The following ATXN10 variants were observed in gnomAD, a reference collection of about 807,000 sequenced individuals.
ATXN10 encodes ataxin 10, also known as ataxin-10.
In ATXN10, 28 loss-of-function variants were observed where a neutral mutation model predicts 52.9. The observed-to-expected ratio is 0.53, with a 90% CI of 0.39 to 0.73. The LOEUF is 0.73. Among genes scored for constraint, ATXN10 ranks in the 30% least tolerant of loss-of-function variants. ATXN10 has a pLI of 0.00. For missense variants in ATXN10, 565 were observed against 577.0 expected (o/e 0.98, Z 0.21); for synonymous variants, 226 against 221.5 (o/e 1.02, Z -0.18).
At position 45,681,379 on chromosome 22, in the gene ATXN10, C is replaced by T. The variant is rs1452487553; in HGVS notation, c.117-8333C>T. Among the ~76,000 whole-genome samples the T allele has an allele frequency of 6.6e-6, 1 of 152,130 alleles. No individual in the cohort carries two copies. The highest frequency in any genetic ancestry group is 6.5e-5 in the Admixed American group (1 of 15,270). ...CGAGTCCCAATCCCTGTTTTATCTT[C>T]TCTTTAGGGCCCTTGCTTCATCAAG... On this transcript the variant is annotated intron_variant, in intron 1 of 11. Transcript: ENST00000252934. This position sits in a 1 kb window ranked among gnomAD's most constrained non-coding sequence, Gnocchi z 4.2.
rs572952432 is a variant in ATXN10 at position 45,805,757 on chromosome 22, G to A, written c.1174-1202G>A. On this transcript the variant is annotated intron_variant, in intron 9 of 11. Coordinates refer to ENST00000252934, the MANE Select transcript of ATXN10 (RefSeq NM_013236.4). The surrounding 1 kb of genome is among the most constrained non-coding windows in gnomAD (Gnocchi z 4.4). ...AGTTTCTTTTAGGGGTGAGGAAAAT[G>A]TTGGAAAATTGGATCATGCTAATGG... 6.6e-6 allele frequency among the ~76,000 whole-genome samples: 1 copy of A among 152,250 alleles called. No homozygotes were observed. The highest frequency in any genetic ancestry group is 1.9e-4 in the East Asian group (1 of 5,188).
rs1003108833 is a variant in ATXN10 at position 45,681,284 on chromosome 22, A to T, written c.117-8428A>T. On this transcript the variant is annotated intron_variant, in intron 1 of 11. Transcript: ENST00000252934. This position sits in a 1 kb window ranked among gnomAD's most constrained non-coding sequence, Gnocchi z 4.2. ...CCTTAGTGAGCTTGACCTCCATCCC[A>T]TCTCAGACACACATTGCCATACCTT... 2.0e-5 allele frequency among the ~76,000 whole-genome samples: 3 copies of T among 152,002 alleles called. No homozygotes were observed. Among genetic ancestry groups the T allele is most frequent in the African/African-American group, 7.3e-5 (3 of 41,370 alleles).
At chr22:45,724,440 A>G (rs1045974003) in intron 6 of ATXN10, among the ~76,000 whole-genome samples, 1 of 151,790 alleles carries the variant, frequency 6.6e-6, no homozygotes, top group Non-Finnish European at 1.5e-5. Flanking sequence ...GCATTTTTTC[A>G]TGTTTGTTGG....
rs1179028650 is a variant in ATXN10, at chr22:45,690,782, A to G, written c.308+879A>G. Among the ~76,000 whole-genome samples, 1 of 152,192 alleles carries G rather than the reference A, an allele frequency of 6.6e-6. No homozygotes were observed. Among genetic ancestry groups the G allele is most frequent in the Non-Finnish European group, 1.5e-5 (1 of 68,034 alleles). ...GTGCTCTTCTTTGCTTTTACGTGTT[A>G]CCGTCTCCTCCCAGAACACAGCATC... is the stretch of plus-strand genomic sequence containing the variant. On this transcript the variant is annotated intron_variant, in intron 2 of 11. Coordinates refer to ENST00000252934, the MANE Select transcript of ATXN10 (RefSeq NM_013236.4). The surrounding 1 kb of genome is among the most constrained non-coding windows in gnomAD (Gnocchi z 4.5).
intron 9 of ATXN10, among the ~76,000 whole-genome samples, chr22:45,802,801 T>C (rs1450546727): frequency 6.6e-6 from 1 of 152,262 alleles, no homozygotes; most frequent in African/African-American, 2.4e-5. Flanking sequence ...CCATTTAGCA[T>C]ATCTCAAGAG....
At chr22:45,831,139 C>T (rs1471463277) in intron 10 of ATXN10, among the ~76,000 whole-genome samples, 3 of 152,032 alleles carry the variant, frequency 2.0e-5, no homozygotes, top group East Asian at 3.9e-4. Context: ...ATAAGAGGTA[C>T]TTAGAGTAGT....
chr22:45,683,309 ACT>A lies in ATXN10; in HGVS notation c.117-6400_117-6399del, dbSNP rs1923002514. On this transcript the variant is annotated intron_variant, in intron 1 of 11. Coordinates refer to ENST00000252934, the MANE Select transcript of ATXN10 (RefSeq NM_013236.4). The surrounding 1 kb of genome is among the most constrained non-coding windows in gnomAD (Gnocchi z 4.8). ...ACTCCAGCCTGGGCAACAGAGCAAAACTCTGTCTCAAAAACAAAACGAAAAAA... is the reference window on the plus strand; with the variant it reads ...ACTCCAGCCTGGGCAACAGAGCAAAACTGTCTCAAAAACAAAACGAAAAAA... Among the ~76,000 whole-genome samples, 1 of 152,020 alleles carries A rather than the reference ACT, an allele frequency of 6.6e-6. No homozygotes were observed. Among genetic ancestry groups the A allele is most frequent in the South Asian group, 2.1e-4 (1 of 4,816 alleles).
intron 10 of ATXN10, among the ~76,000 whole-genome samples, chr22:45,827,562 C>T (rs1765345445): frequency 6.6e-6 from 1 of 152,056 alleles, no homozygotes; most frequent in South Asian, 2.1e-4. Context: ...CAAAGAAGAA[C>T]ATAATATATT....
intron 9 of ATXN10, among the ~76,000 whole-genome samples, chr22:45,796,444 T>C (rs775665570): frequency 6.6e-6 from 1 of 152,188 alleles, no homozygotes; most frequent in Non-Finnish European, 1.5e-5. Flanking sequence ...AAGCATGTGA[T>C]CTCTGTGACC....
chr22:45,812,130 A>T (rs1928302453), intron 10 of ATXN10, among the ~76,000 whole-genome samples: 1 of 152,042 alleles, frequency 6.6e-6, no homozygotes, highest in South Asian at 2.1e-4. Context: ...CTCATGCTTC[A>T]CACCCAGCGT....
chr22:45,791,831 T>C (rs1239130675), intron 9 of ATXN10, among the ~76,000 whole-genome samples: 1 of 152,224 alleles, frequency 6.6e-6, no homozygotes, highest in Admixed American at 6.5e-5. Flanking sequence ...TTTTCTGTTG[T>C]TTTGGAACAA....
intron 9 of ATXN10, among the ~76,000 whole-genome samples, chr22:45,758,620 A>G (rs900041304): frequency 6.6e-6 from 1 of 152,156 alleles, no homozygotes; most frequent in South Asian, 2.1e-4. Context: ...TATCTTTAAG[A>G]TGTTGTTTTT....
intron 1 of ATXN10, chr22:45,679,299 G>A (rs1256118464): frequency 6.6e-6 from 1 of 152,164 alleles, no homozygotes; most frequent in Non-Finnish European, 1.5e-5. Flanking sequence ...ATTTTCTTGA[G>A]CCATGAGAGA....
rs1924274365 is a variant in ATXN10 at position 45,712,162 on chromosome 22, A to G, written c.648-6251A>G. ...GGCAGTGCTGTTTGTTAGGGTGTGC[A>G]GTCAGGTGACCTCCCCTGGGGGCAC... On this transcript the variant is annotated intron_variant, in intron 5 of 11. Coordinates refer to ENST00000252934, the MANE Select transcript of ATXN10 (RefSeq NM_013236.4). This position sits in a 1 kb window ranked among gnomAD's most constrained non-coding sequence, Gnocchi z 4.6. Among the ~76,000 whole-genome samples the G allele has an allele frequency of 6.6e-6, 1 of 152,186 alleles. No homozygotes were observed. Among genetic ancestry groups the G allele is most frequent in the African/African-American group, 2.4e-5 (1 of 41,446 alleles).
chr22:45,797,132 A>C (rs2146874069), intron 9 of ATXN10, among the ~76,000 whole-genome samples: 1 of 152,374 alleles, frequency 6.6e-6, no homozygotes, highest in Non-Finnish European at 1.5e-5. Context: ...ATAATCGGAG[A>C]TATCAGCGTT....
intron 3 of ATXN10, among the ~76,000 whole-genome samples, chr22:45,697,161 G>T (rs1469191158): frequency 6.6e-6 from 1 of 151,896 alleles, no homozygotes; most frequent in Non-Finnish European, 1.5e-5. Flanking sequence ...TTGAGACGGA[G>T]TTTGCTCTCG....
In ATXN10 at chr22:45,772,630, A is replaced by G. The variant is rs1926816453; in HGVS notation, c.1173+32092A>G. On this transcript the variant is annotated intron_variant, in intron 9 of 11. Transcript: ENST00000252934. The surrounding 1 kb of genome is among the most constrained non-coding windows in gnomAD (Gnocchi z 4.1). Reference sequence around the variant, plus strand: ...TTGTGATTGGAATTGCGTTAAATATACAGCTCTCTTTGGGGGGAATCAATG... The same window carrying G: ...TTGTGATTGGAATTGCGTTAAATATGCAGCTCTCTTTGGGGGGAATCAATG... 6.6e-6 allele frequency among the ~76,000 whole-genome samples: 1 copy of G among 152,206 alleles called. No homozygotes were observed. The highest frequency in any genetic ancestry group is 1.5e-5 in the Non-Finnish European group (1 of 68,036).
intron 10 of ATXN10, among the ~76,000 whole-genome samples, chr22:45,830,772 G>T (rs769216720): frequency 6.6e-6 from 1 of 151,854 alleles, no homozygotes; most frequent in Non-Finnish European, 1.5e-5. Context: ...AATGTAAAAT[G>T]GTGCAGCCAT....
intron 9 of ATXN10, among the ~76,000 whole-genome samples, chr22:45,764,716 G>A (rs1926523485): frequency 6.6e-6 from 1 of 152,166 alleles, no homozygotes; most frequent in Admixed American, 6.5e-5. Flanking sequence ...CTCTCTGGAT[G>A]GAACAAATAA....
Sources: gnomAD v4.1 joint callset for allele counts (sites outside exome capture counted in the v4.1 genomes callset) on GRCh38, gnomAD v4.1.1 for gene constraint, Gnocchi (gnomAD v3.1) non-coding constraint, MANE v1.5 for transcripts, NCBI Gene and HGNC (gene_info 2026-07-23, HGNC 2026-07-21) for gene names.